PCNT: variants seen among roughly 807,000 people sequenced by gnomAD.
PCNT encodes pericentrin.
In PCNT, 319 loss-of-function variants were observed where a neutral mutation model predicts 380.4. That is an observed-to-expected ratio of 0.84 (90% CI 0.77 to 0.92). The LOEUF is 0.92. Ranked by LOEUF, PCNT falls within the 40% of genes least tolerant of loss-of-function variation. PCNT has a pLI of 0.00. For synonymous variants in PCNT, 1,845 were observed against 1,735.2 expected (o/e 1.06, Z -1.57); for missense variants, 4,400 against 4,255.3 (o/e 1.03, Z -0.95).
chr21:46,347,326 GAC>G (rs2084105685), intron 5 of PCNT, 129 bp from the exon 6 acceptor site: 1 of 888,590 alleles, frequency 1.1e-6, no homozygotes, highest in African/African-American at 1.6e-5. Flanking sequence ...CATCATCACA[GAC>G]ACATCCTGCT....
At chr21:46,403,529 G>A (rs1444294821) in intron 27 of PCNT, among the ~76,000 whole-genome samples, 2 of 123,612 alleles carry the variant, frequency 1.6e-5, no homozygotes, top group Admixed American at 8.5e-5. Flanking sequence ...GCGTGTGCTC[G>A]GTGAATGAAC....
chr21:46,351,572 C>A, intron 9 of PCNT, 32 bp downstream of exon 9: 1 of 1,227,600 alleles, frequency 8.1e-7, no homozygotes, highest in Non-Finnish European at 1.2e-6. Flanking sequence ...TTCAGATCCT[C>A]AAAAGCTGAA....
intron 21 of PCNT, among the ~76,000 whole-genome samples, chr21:46,392,342 C>T (rs961841876): frequency 8.5e-5 from 13 of 152,060 alleles, no homozygotes; most frequent in African/African-American, 2.7e-4. Flanking sequence ...GCCTCAGCCT[C>T]CCAAGTAGCT....
In PCNT at chr21:46,412,847, A is replaced by T; in HGVS notation, c.6005A>T (p.Gln2002Leu). 3 of 1,611,974 alleles carry T rather than the reference A, an allele frequency of 1.9e-6. No individual in the cohort carries two copies. The highest frequency in any genetic ancestry group is 2.5e-6 in the Non-Finnish European group (3 of 1,180,032). The change falls in exon 29 of 47, where the codon CAG becomes CTG. Residue 2002 changes from glutamine to leucine, a missense_variant. Transcript: ENST00000359568. ...GTCTCCTCTGTCAAGGGTGATCTGCAGCCTGTCCTGGTGACGTTGAAGGAT... is the reference window on the plus strand; with the variant it reads ...GTCTCCTCTGTCAAGGGTGATCTGCTGCCTGTCCTGGTGACGTTGAAGGAT... Reference protein sequence around the residue: ...PVVPDPQGDLQPVLVTLKDAP... With the variant: ...PVVPDPQGDLLPVLVTLKDAP...
intron 27 of PCNT, among the ~76,000 whole-genome samples, chr21:46,407,589 C>T (rs1024361884): frequency 6.6e-6 from 1 of 152,098 alleles, no homozygotes; most frequent in Non-Finnish European, 1.5e-5. Flanking sequence ...GTGATCCGCC[C>T]GACTCGGCCT....
intron 2 of PCNT, among the ~76,000 whole-genome samples, chr21:46,328,866 C>T (rs1296744464): frequency 2.0e-5 from 3 of 151,142 alleles, no homozygotes; most frequent in African/African-American, 4.9e-5. Context: ...CTCTGCCTCC[C>T]GATTTCAAGC....
At chr21:46,410,760 G>A (rs79059360) in intron 27 of PCNT, among the ~76,000 whole-genome samples, 2 of 152,204 alleles carry the variant, frequency 1.3e-5, no homozygotes, top group African/African-American at 2.4e-5. Flanking sequence ...GAGCGTGCCC[G>A]GCTCACCGCT....
intron 2 of PCNT, among the ~76,000 whole-genome samples, chr21:46,326,811 C>G (rs1255173594): frequency 6.6e-6 from 1 of 152,024 alleles, no homozygotes; most frequent in Non-Finnish European, 1.5e-5. Flanking sequence ...GTCAGGAGTT[C>G]CAGACCAGCC....
rs1340124281 is a variant in PCNT at position 46,416,539 on chromosome 21, A to C, written c.6621A>C (p.Ala2207=). The part of the protein sequence containing the change: ...LGGSRHQSHT[A]EAGPRKSPVG... ...GCTCCCGCCACCAGAGCCACACTGC[A>C]GAGGCTGGGCCCCGGAAGAGCCCGG... is the stretch of plus-strand genomic sequence containing the variant. Residue 2207 remains alanine (A), a synonymous_variant, in exon 30 of 47, where the codon GCA becomes GCC. Transcript: ENST00000359568. The C allele has an allele frequency of 2.5e-6, 4 of 1,613,550 alleles. No homozygotes were observed. In the East Asian group the frequency reaches 8.9e-5, roughly 36 times the overall value.
intron 9 of PCNT, among the ~76,000 whole-genome samples, chr21:46,352,578 C>T (rs2084312637): frequency 1.3e-5 from 2 of 152,184 alleles, no homozygotes; most frequent in South Asian, 2.1e-4. Flanking sequence ...ACCATAGTAG[C>T]CATGGAGACA....
chr21:46,377,946 C>T (rs796590935), intron 15 of PCNT, among the ~76,000 whole-genome samples: 39 of 152,150 alleles, frequency 2.6e-4, no homozygotes, highest in African/African-American at 8.9e-4. Context: ...TACCTGTGGG[C>T]GTCCTACGTA....
At chr21:46,406,066 A>G (rs1007092409) in intron 27 of PCNT, among the ~76,000 whole-genome samples, 1 of 152,262 alleles carries the variant, frequency 6.6e-6, no homozygotes, top group Non-Finnish European at 1.5e-5. Flanking sequence ...CAAGGAAACC[A>G]CATTTGCTGT....
chr21:46,348,115 C>CT (rs2084136511), intron 6 of PCNT: 2 of 180,362 alleles, frequency 1.1e-5, no homozygotes, highest in Non-Finnish European at 2.4e-5. Flanking sequence ...ACCTGCTCCT[C>CT]TGACGCAGGC....
In PCNT at chr21:46,401,641, C is replaced by T. The variant is rs1296555664; in HGVS notation, c.4882C>T (p.Pro1628Ser). The change falls in exon 26 of 47, where the codon CCT (proline) becomes TCT (serine). Residue 1628 changes from proline to serine, a missense_variant. Physicochemically the swap from Pro to Ser is moderately conservative, Grantham distance 74. Coordinates refer to ENST00000359568, the MANE Select transcript of PCNT (RefSeq NM_006031.6). The part of the protein sequence containing the change: ...STLDAGRCPE[P>S]PSGSPPEGPE... The stretch of plus-strand genomic sequence containing the variant: ...ACTAGATGCAGGCAGATGTCCCGAG[C>T]CTCCTTCGGGCAGCCCTCCTGAGGG... 3.1e-6 allele frequency: 5 copies of T among 1,613,770 alleles called. No individual in the cohort carries two copies. The African/African-American group carries it at 4.0e-5, about 13-fold the overall frequency.
intron 19 of PCNT, 84 bp from the exon 20 acceptor site, chr21:46,390,586 G>A (rs2085999235): frequency 2.1e-6 from 3 of 1,455,646 alleles, no homozygotes; most frequent in East Asian, 2.3e-5. Flanking sequence ...AGGGTCTGGG[G>A]GTAGAAGTGG....
chr21:46,370,325 GA>G (rs1359021342), intron 15 of PCNT, among the ~76,000 whole-genome samples: 3 of 152,104 alleles, frequency 2.0e-5, no homozygotes, highest in Non-Finnish European at 4.4e-5. Context: ...GGCGCGACCA[GA>G]TCTGTCCTAC....
chr21:46,333,440 CAAAAA>C (rs1254789179), intron 2 of PCNT, among the ~76,000 whole-genome samples: 4 of 150,944 alleles, frequency 2.6e-5, no homozygotes, highest in African/African-American at 9.7e-5. Flanking sequence ...TCAAAAAAGA[CAAAAA>C]AGAAAAAAAA....
At position 46,363,748 on chromosome 21, in the gene PCNT, T is replaced by C. The variant is rs1479216688; in HGVS notation, c.2423T>C (p.Leu808Pro). The C allele has an allele frequency of 2.5e-6, 4 of 1,614,200 alleles. No homozygotes were observed. The highest frequency in any genetic ancestry group is 1.6e-4 in the Middle Eastern group (1 of 6,062). Residue 808 changes from leucine (L) to proline (P), a missense_variant, in exon 14 of 47, where the codon CTG (leucine) becomes CCG (proline). By Grantham distance (98) the Leu-to-Pro change is moderately conservative. Transcript: ENST00000359568. Reference sequence around the variant, plus strand: ...CAGGACCAACAGGCAGCCCAGATCCTGGATCTGGAGAGGTCCTTGACGGAG... The same window carrying C: ...CAGGACCAACAGGCAGCCCAGATCCCGGATCTGGAGAGGTCCTTGACGGAG... ...QLQDQQAAQI[L>P]DLERSLTEQQ... is the part of the protein sequence containing the mutation.
At position 46,377,802 on chromosome 21, in the gene PCNT, G is replaced by A. The variant is rs1211022016; in HGVS notation, c.3166-3892G>A. Among the ~76,000 whole-genome samples, 4 of 152,146 alleles carry A rather than the reference G, an allele frequency of 2.6e-5. 1 individual carries two copies. The highest frequency in any genetic ancestry group is 2.6e-4 in the Admixed American group (4 of 15,282). ...GTTGAAGCTGTAGCAAGCTGACATC[G>A]CACCACTGCACTCCAGGCTGCATGA... On this transcript the variant is annotated intron_variant, in intron 15 of 46. Coordinates refer to ENST00000359568, the MANE Select transcript of PCNT (RefSeq NM_006031.6).
Sources: gnomAD v4.1 joint callset for allele counts (sites outside exome capture counted in the v4.1 genomes callset) on GRCh38, gnomAD v4.1.1 for gene constraint, MANE v1.5 for transcripts, NCBI Gene and HGNC (gene_info 2026-07-23, HGNC 2026-07-21) for gene names.